Variants in IRF8 observed in about 807,000 individuals in gnomAD.
The protein encoded by IRF8 is interferon regulatory factor 8, also known as interferon consensus sequence binding protein 1.
In IRF8, 14 loss-of-function variants were observed where a neutral mutation model predicts 48.7. That is an observed-to-expected ratio of 0.29 (90% confidence interval 0.19 to 0.45). The LOEUF (loss-of-function observed/expected upper bound fraction) is 0.45. IRF8 is among the 20% of genes least tolerant of loss of function. IRF8 has a pLI of 1.00. For missense variants in IRF8, 493 were observed against 580.7 expected (o/e 0.85, Z 1.55); for synonymous variants, 278 against 227.3 (o/e 1.22, Z -2.01).
intron 4 of IRF8, 44 bp from the exon 5 acceptor site, chr16:85,913,087 A>G (rs938312591): frequency 1.5e-6 from 2 of 1,351,986 alleles, no homozygotes; most frequent in African/African-American, 2.9e-5. Context: ...CAGGTGGGAG[A>G]TCAGTGACTG....
intron 7 of IRF8, 129 bp from the exon 8 acceptor site, chr16:85,919,980 T>G: frequency 5.4e-6 from 4 of 746,692 alleles, no homozygotes; most frequent in East Asian, 2.7e-5. Context: ...GCCACCAGTT[T>G]GAGATCCCAT....
chr16:85,909,252 G>A (rs1002779927), intron 3 of IRF8, 79 bp downstream of exon 3: 20 of 1,152,482 alleles, frequency 1.7e-5, no homozygotes, highest in Non-Finnish European at 2.3e-5. Flanking sequence ...TGGGTCTGGG[G>A]TAGACACAGG....
At chr16:85,911,212 C>T (rs182843095) in intron 3 of IRF8, among the ~76,000 whole-genome samples, 19 of 152,322 alleles carry the variant, frequency 1.2e-4, no homozygotes, top group African/African-American at 4.6e-4. Flanking sequence ...TTTTCAAATG[C>T]CCTGTCTTAT....
chr16:85,920,440 G>C (rs1279353596), intron 8 of IRF8, among the ~76,000 whole-genome samples: 1 of 152,162 alleles, frequency 6.6e-6, no homozygotes, highest in Non-Finnish European at 1.5e-5. Context: ...TAGAGATGGG[G>C]TTTCACCATG....
rs75590645 is a variant in IRF8 at position 85,922,303 on chromosome 16, A to G, written c.*1021A>G. The G allele has an allele frequency of 9.3e-3, 1,411 of 152,484 alleles. 38 individuals carry two copies. Among genetic ancestry groups the G allele is most frequent in the East Asian group, 0.061 (325 of 5,318 alleles). The allele number at this position is 152,484 out of a possible 1,614,324, so 9.4% of individuals were successfully genotyped here. On this transcript the variant is annotated 3_prime_UTR_variant, in exon 9 of 9. Coordinates refer to ENST00000268638, the MANE Select transcript of IRF8 (RefSeq NM_002163.4). Reference sequence around the variant, plus strand: ...ATGCCTGTTTCCTTTTCCCAGCACCATGCCTGTGGAGGGGACAGTCAGACC... The same window carrying G: ...ATGCCTGTTTCCTTTTCCCAGCACCGTGCCTGTGGAGGGGACAGTCAGACC...
At chr16:85,900,162 C>G (rs938735650) in intron 1 of IRF8, among the ~76,000 whole-genome samples, 1 of 152,248 alleles carries the variant, frequency 6.6e-6, no homozygotes, top group African/African-American at 2.4e-5. Flanking sequence ...TGCGGGTATG[C>G]TAGGCCAGAG....
chr16:85,910,808 A>G (rs114410683), intron 3 of IRF8, among the ~76,000 whole-genome samples: 10 of 152,296 alleles, frequency 6.6e-5, no homozygotes, highest in Admixed American at 5.9e-4. Flanking sequence ...TCTTTAATCT[A>G]TCGAAATGGA....
rs138194733 is a variant in IRF8 at position 85,910,442 on chromosome 16, G to A, written c.359-1128G>A. On this transcript the variant is annotated intron_variant, in intron 3 of 8. Coordinates refer to ENST00000268638, the MANE Select transcript of IRF8 (RefSeq NM_002163.4). ...ATAATAGTCTGGGGTGACCCTGAAA[G>A]GCTAAGCAGTCATCTTTTTGCCTCA... 1.1e-3 allele frequency among the ~76,000 whole-genome samples: 160 copies of A among 152,266 alleles called. 1 individual carries two copies. Among genetic ancestry groups the A allele is most frequent in the African/African-American group, 3.7e-3 (155 of 41,562 alleles).
intron 7 of IRF8, among the ~76,000 whole-genome samples, chr16:85,919,705 T>A (rs1250496002): frequency 6.6e-6 from 1 of 152,200 alleles, no homozygotes; most frequent in East Asian, 1.9e-4. Flanking sequence ...CTGCTGCCGG[T>A]CCACCGGCCC....
Position 85,922,414 on chromosome 16 carries a change from G to A in IRF8, c.*1132G>A, listed in dbSNP as rs1356524423. On this transcript the variant is annotated 3_prime_UTR_variant, in exon 9 of 9. Transcript: ENST00000268638. ...TGGCTTGTCCCTTTTGTCCAACAAA[G>A]CATTATATTTTTAAGAATGGCAGAC... is the stretch of plus-strand genomic sequence containing the variant. The A allele has an allele frequency of 6.6e-6, 1 of 152,336 alleles. No individual in the cohort carries two copies. The highest frequency in any genetic ancestry group is 2.4e-5 in the African/African-American group (1 of 41,442). 9.4% of individuals were successfully genotyped at this position (152,336 alleles called of 1,614,324 possible). A position where few individuals can be genotyped will look rare whatever the true frequency, so the allele number is the denominator to read the frequency against.
intron 2 of IRF8, among the ~76,000 whole-genome samples, chr16:85,908,403 A>G (rs1271108815): frequency 6.6e-6 from 1 of 152,224 alleles, no homozygotes; most frequent in Non-Finnish European, 1.5e-5. Flanking sequence ...TAAAAAAAAC[A>G]CACACACATT....
chr16:85,908,245 T>C (rs1159586059), intron 2 of IRF8, among the ~76,000 whole-genome samples: 2 of 152,238 alleles, frequency 1.3e-5, no homozygotes, highest in African/African-American at 4.8e-5. Flanking sequence ...TATTCCAATT[T>C]TGCAAGCTTA....
At chr16:85,916,497 C>G (rs1905309988) in intron 6 of IRF8, among the ~76,000 whole-genome samples, 1 of 152,228 alleles carries the variant, frequency 6.6e-6, no homozygotes. Flanking sequence ...TGAGCTGCTT[C>G]TCACCTGTCA....
chr16:85,903,128 T>C lies in IRF8; in HGVS notation c.113T>C (p.Ile38Thr). 6.2e-7 allele frequency: 1 copy of C among 1,614,122 alleles called. No homozygotes were observed. Among genetic ancestry groups the C allele is most frequent in the Non-Finnish European group, 8.5e-7 (1 of 1,180,028 alleles). ...WENEEKSMFR[I>T]PWKHAGKQDY... ...AATGAGGAGAAGAGCATGTTCCGGA[T>C]CCCTTGGAAACACGCTGGCAAGCAA... is the stretch of plus-strand genomic sequence containing the variant. The change falls in exon 2 of 9, where the codon ATC becomes ACC. Residue 38 changes from isoleucine (I) to threonine (T), a missense_variant. By Grantham distance (89) the Ile-to-Thr change is moderately conservative. Transcript: ENST00000268638.
chr16:85,918,857 T>A, intron 7 of IRF8, 54 bp downstream of exon 7: 1 of 1,596,126 alleles, frequency 6.3e-7, no homozygotes, highest in Non-Finnish European at 8.5e-7. Flanking sequence ...ACGCCTCCTA[T>A]CTGTGTGCCA....
chr16:85,917,336 C>T (rs538629474), intron 6 of IRF8, among the ~76,000 whole-genome samples: 44 of 152,358 alleles, frequency 2.9e-4, no homozygotes, highest in African/African-American at 9.4e-4. Context: ...AGATACCTCC[C>T]TGCATTTACA....
chr16:85,908,127 G>A (rs757248031), intron 2 of IRF8, among the ~76,000 whole-genome samples: 1 of 152,248 alleles, frequency 6.6e-6, no homozygotes, highest in African/African-American at 2.4e-5. Context: ...GGATCGGGAT[G>A]TCCCTACAGA....
At chr16:85,904,669 C>G (rs1318259215) in intron 2 of IRF8, among the ~76,000 whole-genome samples, 2 of 152,110 alleles carry the variant, frequency 1.3e-5, no homozygotes, top group Non-Finnish European at 2.9e-5. Flanking sequence ...CGAGGGGTCC[C>G]TTGGTGCCCC....
At chr16:85,909,534 A>G in intron 3 of IRF8, 1 of 322,860 alleles carries the variant, frequency 3.1e-6, no homozygotes. Flanking sequence ...GAAGGCCTGG[A>G]TCATGAGGGT....
Sources: gnomAD v4.1 joint callset for allele counts (sites outside exome capture counted in the v4.1 genomes callset) on GRCh38, gnomAD v4.1.1 for gene constraint, MANE v1.5 for transcripts, NCBI Gene and HGNC (gene_info 2026-07-23, HGNC 2026-07-21) for gene names.